The following ARL15 variants were observed in gnomAD, a reference collection of about 807,000 sequenced individuals.
ARL15 encodes ARF like GTPase 15, also known as ADP-ribosylation factor-like protein 15.
Under a neutral mutation model 25.2 loss-of-function variants are expected in ARL15, and 19 were observed. The observed-to-expected ratio is 0.75, with a 90% CI of 0.53 to 1.10. ARL15 has a LOEUF of 1.10. ARL15 is among the 50% of genes least tolerant of loss of function. The pLI is 0.00. For missense variants in ARL15, 220 were observed against 246.0 expected, an observed-to-expected ratio of 0.89 and a Z score of 0.71; for synonymous variants, 94 against 86.8, an observed-to-expected ratio of 1.08 and a Z score of -0.46.
In ARL15 at chr5:53,885,604, T is replaced by A. The variant is rs1223615804; in HGVS notation, c.*957A>T. 1 of 152,630 alleles carries A rather than the reference T, an allele frequency of 6.6e-6. No individual in the cohort carries two copies. The highest frequency in any genetic ancestry group is 1.5e-5 in the Non-Finnish European group (1 of 68,026). 9.5% of individuals were successfully genotyped at this position (152,630 alleles called of 1,614,324 possible). ...CGTAATGAATGAATATATAGATGAT[T>A]CTGTCTTTGTTATCTTTGTCAAATC... is the stretch of plus-strand genomic sequence containing the variant. On this transcript the variant is annotated 3_prime_UTR_variant, in exon 5 of 5. Coordinates refer to ENST00000504924, the MANE Select transcript of ARL15 (RefSeq NM_019087.3).
chr5:54,091,281 C>T (rs1752119904), intron 4 of ARL15, among the ~76,000 whole-genome samples: 1 of 152,118 alleles, frequency 6.6e-6, no homozygotes, highest in South Asian at 2.1e-4. Flanking sequence ...TTGGCAAATG[C>T]TAATATAAAT....
At chr5:54,304,427 G>A (rs1019142239) in intron 1 of ARL15, among the ~76,000 whole-genome samples, 25 of 152,124 alleles carry the variant, frequency 1.6e-4, no homozygotes, top group South Asian at 6.2e-4. Context: ...TCTCACCCCC[G>A]ACCTGAGCAC....
chr5:54,012,966 A>G (rs1474181327), intron 4 of ARL15, among the ~76,000 whole-genome samples: 2 of 151,142 alleles, frequency 1.3e-5, no homozygotes, highest in African/African-American at 4.9e-5. Context: ...CACCCGGCTA[A>G]TTTTCGAATT....
intron 4 of ARL15, among the ~76,000 whole-genome samples, chr5:53,887,108 T>C (rs1744552826): frequency 6.6e-6 from 1 of 152,196 alleles, no homozygotes; most frequent in Non-Finnish European, 1.5e-5. Flanking sequence ...ACTTATTAAA[T>C]GGGTGACGAC....
chr5:54,042,920 G>T (rs1376219044), intron 4 of ARL15, among the ~76,000 whole-genome samples: 3 of 151,496 alleles, frequency 2.0e-5, no homozygotes, highest in East Asian at 3.9e-4. Context: ...ATGTATATAG[G>T]TTCAAAAAAA....
chr5:54,232,215 T>C (rs1251983005), intron 1 of ARL15, among the ~76,000 whole-genome samples: 3 of 152,196 alleles, frequency 2.0e-5, no homozygotes, highest in African/African-American at 7.2e-5. Flanking sequence ...TCACCAAATG[T>C]TCCCATGATC....
chr5:53,953,028 A>T (rs1747027952), intron 4 of ARL15, among the ~76,000 whole-genome samples: 1 of 152,242 alleles, frequency 6.6e-6, no homozygotes, highest in Non-Finnish European at 1.5e-5. Flanking sequence ...TCACTTTACT[A>T]CGCAGCTCCA....
intron 4 of ARL15, among the ~76,000 whole-genome samples, chr5:54,106,145 C>A (rs1294756269): frequency 6.6e-6 from 1 of 152,062 alleles, no homozygotes; most frequent in African/African-American, 2.4e-5. Flanking sequence ...AACATAAAAT[C>A]AAACATTTGT....
At chr5:53,905,689 C>T (rs565878939) in intron 4 of ARL15, among the ~76,000 whole-genome samples, 1 of 152,086 alleles carries the variant, frequency 6.6e-6, no homozygotes, top group South Asian at 2.1e-4. Context: ...TGAATTCTTA[C>T]CAAATTCATT....
intron 4 of ARL15, chr5:53,912,266 G>A (rs1023073263): frequency 2.6e-5 from 4 of 152,166 alleles, no homozygotes; most frequent in African/African-American, 9.7e-5. Context: ...TCCAAGCTAT[G>A]GGGGCAAGAC....
chr5:53,899,797 TATTCC>T (rs1745003815), intron 4 of ARL15, among the ~76,000 whole-genome samples: 1 of 152,230 alleles, frequency 6.6e-6, no homozygotes, highest in South Asian at 2.1e-4. Context: ...GTTAATGACA[TATTCC>T]AAGTTACGAC....
In ARL15 at chr5:54,270,680, G is replaced by T. The variant is rs1272770676; in HGVS notation, c.48+39752C>A. On this transcript the variant is annotated intron_variant, in intron 1 of 4. Coordinates refer to ENST00000504924, the MANE Select transcript of ARL15 (RefSeq NM_019087.3). ...GAAGCACACAATCTGTTAGGTCTGTGTTGGGTGCTACGGCCACCTGCCTGA... is the reference window on the plus strand; with the variant it reads ...GAAGCACACAATCTGTTAGGTCTGTTTTGGGTGCTACGGCCACCTGCCTGA... Among the ~76,000 whole-genome samples the T allele has an allele frequency of 8.5e-5, 13 of 152,236 alleles. No individual in the cohort carries two copies. The East Asian group carries it at 2.5e-3, about 29-fold the overall frequency.
intron 4 of ARL15, among the ~76,000 whole-genome samples, chr5:54,022,135 G>A (rs2111843599): frequency 6.6e-6 from 1 of 152,074 alleles, no homozygotes; most frequent in South Asian, 2.1e-4. Context: ...CTAAAGAAAT[G>A]GCTACAGAAA....
chr5:53,958,878 G>C (rs1418762486), intron 4 of ARL15, among the ~76,000 whole-genome samples: 2 of 152,160 alleles, frequency 1.3e-5, no homozygotes, highest in Non-Finnish European at 2.9e-5. Flanking sequence ...AAACACATAT[G>C]CACCAAATAT....
At chr5:54,094,732 T>A (rs1292840931) in intron 4 of ARL15, among the ~76,000 whole-genome samples, 1 of 152,216 alleles carries the variant, frequency 6.6e-6, no homozygotes, top group Non-Finnish European at 1.5e-5. Flanking sequence ...GGGTCTGTAT[T>A]GCTCACTACT....
At chr5:54,056,777 AT>A in intron 4 of ARL15, among the ~76,000 whole-genome samples, 1 of 152,114 alleles carries the variant, frequency 6.6e-6, no homozygotes, top group Non-Finnish European at 1.5e-5. Flanking sequence ...GACATAGCTG[AT>A]TTTTGAATCC....
intron 4 of ARL15, among the ~76,000 whole-genome samples, chr5:54,070,489 G>C (rs1248434317): frequency 6.6e-6 from 1 of 152,104 alleles, no homozygotes; most frequent in Non-Finnish European, 1.5e-5. Flanking sequence ...ACCAGCAAAA[G>C]GCCCTCACCA....
At chr5:54,203,901 G>A (rs1755788603) in intron 1 of ARL15, among the ~76,000 whole-genome samples, 1 of 152,110 alleles carries the variant, frequency 6.6e-6, no homozygotes, top group Admixed American at 6.6e-5. Flanking sequence ...ACAGGCAGGG[G>A]CAGGAGGGTA....
intron 1 of ARL15, among the ~76,000 whole-genome samples, chr5:54,219,705 GAAAC>G (rs1756315694): frequency 1.3e-5 from 2 of 152,096 alleles, no homozygotes; most frequent in Non-Finnish European, 2.9e-5. Flanking sequence ...AAAAAGAAAA[GAAAC>G]AGAATGACAA....
Sources: allele counts gnomAD v4.1 joint callset (sites outside exome capture counted in the v4.1 genomes callset), GRCh38; gene constraint gnomAD v4.1.1; transcripts MANE v1.5; gene names NCBI Gene and HGNC (gene_info 2026-07-23, HGNC 2026-07-21).